Variants in TANC1 observed in about 807,000 individuals in gnomAD.
TANC1 encodes tetratricopeptide repeat, ankyrin repeat and coiled-coil containing 1.
A neutral mutation model predicts 149.7 loss-of-function variants in TANC1; 77 were observed. That is an observed-to-expected ratio of 0.51 (90% CI 0.43 to 0.62). TANC1 has a LOEUF of 0.62. TANC1 is among the 20% of genes least tolerant of loss of function. The pLI is 0.00. For synonymous variants in TANC1, 854 were observed against 925.0 expected, an observed-to-expected ratio of 0.92 and a Z score of 1.39; for missense variants, 1,985 against 2,321.8, an observed-to-expected ratio of 0.85 and a Z score of 2.98.
intron 5 of TANC1, among the ~76,000 whole-genome samples, chr2:159,137,701 A>C (rs1490772273): frequency 6.6e-6 from 1 of 152,206 alleles, no homozygotes; most frequent in East Asian, 1.9e-4. Flanking sequence ...TCTGTAGTGA[A>C]TATCAGTCAT....
At chr2:158,974,276 T>C (rs2033327880) in intron 1 of TANC1, among the ~76,000 whole-genome samples, 1 of 152,166 alleles carries the variant, frequency 6.6e-6, no homozygotes, top group South Asian at 2.1e-4. Flanking sequence ...TGAGGGCCAT[T>C]GCTGCAATAG....
chr2:159,161,585 C>A (rs2054050821), intron 7 of TANC1, among the ~76,000 whole-genome samples: 1 of 152,330 alleles, frequency 6.6e-6, no homozygotes, highest in Non-Finnish European at 1.5e-5. Flanking sequence ...ACACTTCTAG[C>A]ATATAGCAAA....
At chr2:159,214,565 A>G (rs1169232025) in intron 19 of TANC1, among the ~76,000 whole-genome samples, 4 of 152,156 alleles carry the variant, frequency 2.6e-5, no homozygotes, top group African/African-American at 9.7e-5. Flanking sequence ...CTTACCAGCT[A>G]CCTCCTTGGA....
intron 17 of TANC1, 119 bp from the exon 18 acceptor site, chr2:159,196,489 G>C (rs1037495645): frequency 5.2e-6 from 4 of 766,950 alleles, no homozygotes; most frequent in Non-Finnish European, 8.1e-6. Flanking sequence ...AGACAAGTTG[G>C]AATGTGAACC....
chr2:158,990,638 T>G (rs2149272545), intron 1 of TANC1, among the ~76,000 whole-genome samples: 1 of 152,232 alleles, frequency 6.6e-6, no homozygotes, highest in African/African-American at 2.4e-5. Context: ...GCATGAGCAA[T>G]GGATGGAGTA....
chr2:159,097,892 A>C, intron 4 of TANC1, 58 bp downstream of exon 4: 1 of 1,460,208 alleles, frequency 6.8e-7, no homozygotes, highest in Non-Finnish European at 9.5e-7. Flanking sequence ...CATTGAAAAT[A>C]AGCAAAACTA....
chr2:158,974,505 C>T (rs2033378668), intron 1 of TANC1, among the ~76,000 whole-genome samples: 1 of 152,212 alleles, frequency 6.6e-6, no homozygotes, highest in Non-Finnish European at 1.5e-5. Context: ...ACAATCTCAG[C>T]TACTGCAACC....
At chr2:158,984,865 G>T (rs968057142) in intron 1 of TANC1, among the ~76,000 whole-genome samples, 1 of 152,208 alleles carries the variant, frequency 6.6e-6, no homozygotes, top group Admixed American at 6.5e-5. Flanking sequence ...AGAACGGACG[G>T]TGCTTGGCAT....
intron 3 of TANC1, 147 bp downstream of exon 3, chr2:159,066,118 A>T: frequency 1.4e-6 from 1 of 704,470 alleles, no homozygotes. Context: ...GCTATGAGAA[A>T]TGAAATAGGC....
rs760324159 is a variant in TANC1, at chr2:159,021,126, G to A, written c.-16+19937G>A. On this transcript the variant is annotated intron_variant, in intron 2 of 26. Coordinates refer to ENST00000263635, the MANE Select transcript of TANC1 (RefSeq NM_033394.3). ...AGTTACCTGTGGCCAAGAAAAGACC[G>A]TACTTCATTAGAACAGAACCCTAAA... Among the ~76,000 whole-genome samples the A allele has an allele frequency of 5.1e-4, 77 of 152,124 alleles. 1 individual carries two copies. The highest frequency in any genetic ancestry group is 2.0e-3 in the Admixed American group (31 of 15,272).
intron 3 of TANC1, among the ~76,000 whole-genome samples, chr2:159,069,062 A>G (rs902181753): frequency 2.0e-5 from 3 of 152,246 alleles, no homozygotes; most frequent in Non-Finnish European, 2.9e-5. Flanking sequence ...TATTATGTAC[A>G]GTGAAACTTA....
intron 3 of TANC1, among the ~76,000 whole-genome samples, chr2:159,090,860 A>G (rs1177371276): frequency 6.6e-6 from 1 of 151,976 alleles, no homozygotes; most frequent in African/African-American, 2.4e-5. Flanking sequence ...ATGACTAAAC[A>G]CCTATCCTGG....
At chr2:159,196,886 C>T in intron 18 of TANC1, 93 bp downstream of exon 18, 5 of 1,239,822 alleles carry the variant, frequency 4.0e-6, no homozygotes, top group Non-Finnish European at 4.4e-6. Flanking sequence ...AGGAGGATGC[C>T]AAGAACTAGC....
At chr2:159,119,218 G>A (rs2048602405) in intron 4 of TANC1, among the ~76,000 whole-genome samples, 1 of 152,222 alleles carries the variant, frequency 6.6e-6, no homozygotes, top group Non-Finnish European at 1.5e-5. Flanking sequence ...TATGTAGGAA[G>A]TAGCCAGGGA....
At chr2:159,119,438 A>T (rs1559295135) in intron 4 of TANC1, among the ~76,000 whole-genome samples, 1 of 152,082 alleles carries the variant, frequency 6.6e-6, no homozygotes, top group Non-Finnish European at 1.5e-5. Flanking sequence ...AGTTGGTTTT[A>T]AAAAAAATCA....
At chr2:159,137,153 A>G (rs565663417) in intron 5 of TANC1, among the ~76,000 whole-genome samples, 1 of 152,320 alleles carries the variant, frequency 6.6e-6, no homozygotes, top group East Asian at 1.9e-4. Flanking sequence ...ACTTTGGCAT[A>G]TCTGGCACCT....
chr2:158,977,128 G>A lies in TANC1; in HGVS notation c.-126+8346G>A, dbSNP rs150478603. 3.8e-4 allele frequency among the ~76,000 whole-genome samples: 57 copies of A among 151,762 alleles called. 1 individual carries two copies. In the East Asian group the frequency reaches 9.7e-3, roughly 26 times the overall value. On this transcript the variant is annotated intron_variant, in intron 1 of 26. Coordinates refer to ENST00000263635, the MANE Select transcript of TANC1 (RefSeq NM_033394.3). The stretch of plus-strand genomic sequence containing the variant: ...CCCTGAAATTCCTGAGCTTCAATAC[G>A]TTTTTAAAATTTTTTACTTTTTATT...
rs73969412 is a variant in TANC1 at position 159,008,880 on chromosome 2, A to G, written c.-16+7691A>G. On this transcript the variant is annotated intron_variant, in intron 2 of 26. Transcript: ENST00000263635. ...CCTGTAGTAGGACTCCCAGGGCAGA[A>G]TTCATTGGCCTTGCAACATCAGTAA... Among the ~76,000 whole-genome samples, 1,033 of 152,236 alleles carry G rather than the reference A, an allele frequency of 6.8e-3. 6 individuals carry two copies. Among genetic ancestry groups the G allele is most frequent in the African/African-American group, 0.023 (965 of 41,540 alleles).
intron 3 of TANC1, among the ~76,000 whole-genome samples, chr2:159,074,180 T>C (rs1479021648): frequency 6.6e-6 from 1 of 152,232 alleles, no homozygotes; most frequent in African/African-American, 2.4e-5. Context: ...ATACCATTGT[T>C]CTTGTCCTAT....
Sources: allele counts gnomAD v4.1 joint callset (sites outside exome capture counted in the v4.1 genomes callset), GRCh38; gene constraint gnomAD v4.1.1; transcripts MANE v1.5; gene names NCBI Gene and HGNC (gene_info 2026-07-23, HGNC 2026-07-21).